Variants in STAC observed in about 807,000 individuals in gnomAD.
STAC encodes the protein SH3 and cysteine-rich domain-containing protein.
STAC carries 43 observed loss-of-function variants against 48.8 expected under a neutral mutation model. The observed-to-expected ratio is 0.88, with a 90% CI of 0.69 to 1.14. The LOEUF is 1.14. STAC is among the 50% of genes most tolerant of loss of function. The pLI, the probability that STAC is intolerant of heterozygous loss-of-function variation, is 0.00. For synonymous variants in STAC, 193 were observed against 179.5 expected, an observed-to-expected ratio of 1.07 and a Z score of -0.60; for missense variants, 497 against 504.0, an observed-to-expected ratio of 0.99 and a Z score of 0.13.
chr3:36,453,330 C>G (rs183019542), intron 2 of STAC, among the ~76,000 whole-genome samples: 4,422 of 152,294 alleles, frequency 0.029, 89 homozygotes, highest in South Asian at 0.05. Flanking sequence ...CCTCAGCTTG[C>G]GGCGAGGTGT....
chr3:36,417,726 A>G (rs939891538), intron 1 of STAC, among the ~76,000 whole-genome samples: 4 of 152,228 alleles, frequency 2.6e-5, no homozygotes. Context: ...TAGGTTTGAA[A>G]AAAGATGAAT....
At chr3:36,490,909 G>C (rs746204168) in intron 5 of STAC, among the ~76,000 whole-genome samples, 1 of 152,162 alleles carries the variant, frequency 6.6e-6, no homozygotes, top group Non-Finnish European at 1.5e-5. Flanking sequence ...ATTTATCACC[G>C]TCCACTTATA....
intron 1 of STAC, among the ~76,000 whole-genome samples, chr3:36,420,612 TAC>T (rs1217175147): frequency 1.3e-5 from 2 of 152,236 alleles, no homozygotes; most frequent in African/African-American, 4.8e-5. Context: ...GAGAATCTAA[TAC>T]CTGATAATCT....
rs928742156 is a variant in STAC, at chr3:36,443,708, C to T, written c.388+68C>T. On this transcript the variant is annotated intron_variant, in intron 2 of 10. Transcript: ENST00000273183. The surrounding 1 kb of genome is among the most constrained non-coding windows in gnomAD (Gnocchi z 4.2). The stretch of plus-strand genomic sequence containing the variant: ...AAAGCTGAGTGAGAGTGGTGTGCCA[C>T]GGGTCCAGGTACCTACGGACAGATG... The T allele has an allele frequency of 2.2e-5, 35 of 1,571,602 alleles. No individual in the cohort carries two copies. Among genetic ancestry groups the T allele is most frequent in the Middle Eastern group, 3.4e-4 (2 of 5,934 alleles).
At chr3:36,437,261 C>A (rs1399871218) in intron 1 of STAC, among the ~76,000 whole-genome samples, 1 of 150,458 alleles carries the variant, frequency 6.6e-6, no homozygotes, top group African/African-American at 2.4e-5. Context: ...TTTGACCCAG[C>A]CATCCCATTA....
intron 2 of STAC, among the ~76,000 whole-genome samples, chr3:36,482,204 T>C (rs1575229896): frequency 6.6e-6 from 1 of 152,202 alleles, no homozygotes; most frequent in African/African-American, 2.4e-5. Context: ...TTAAGCTTTA[T>C]CCAGCCACTT....
chr3:36,398,316 AAAGC>A (rs58878974), intron 1 of STAC, among the ~76,000 whole-genome samples: 11,089 of 100,110 alleles, frequency 0.11, 901 homozygotes, highest in African/African-American at 0.13. Context: ...AGAAAGAAAG[AAAGC>A]AAGAAAGAAA....
At chr3:36,405,744 A>G (rs2125630570) in intron 1 of STAC, among the ~76,000 whole-genome samples, 1 of 152,262 alleles carries the variant, frequency 6.6e-6, no homozygotes, top group South Asian at 2.1e-4. Context: ...TTTAGAGACA[A>G]GAGTTTTGCT....
chr3:36,503,598 T>C (rs1049089575), intron 6 of STAC, among the ~76,000 whole-genome samples: 3 of 152,258 alleles, frequency 2.0e-5, no homozygotes, highest in Admixed American at 2.0e-4. Context: ...CATGCTCAGC[T>C]AATTTTTGTA....
At chr3:36,407,000 C>T (rs772684154) in intron 1 of STAC, among the ~76,000 whole-genome samples, 11 of 152,150 alleles carry the variant, frequency 7.2e-5, no homozygotes, top group South Asian at 4.1e-4. Flanking sequence ...ATGGATTAAC[C>T]GCTCTAAATT....
intron 10 of STAC, among the ~76,000 whole-genome samples, chr3:36,532,387 T>G (rs1699093528): frequency 6.6e-6 from 1 of 152,214 alleles, no homozygotes; most frequent in Non-Finnish European, 1.5e-5. Context: ...CAAGCTCTCT[T>G]TCATCCAGTT....
Position 36,546,310 on chromosome 3 carries a change from T to A in STAC, c.*21T>A. 1 of 1,605,134 alleles carries A rather than the reference T, an allele frequency of 6.2e-7. No homozygotes were observed. Among genetic ancestry groups the A allele is most frequent in the Non-Finnish European group, 8.5e-7 (1 of 1,171,890 alleles). ...TCTGATTGCTGGCTCCTCCTCCGTT[T>A]GCAGTAGGCAAGCTCTGCTGCGATG... On this transcript the variant is annotated 3_prime_UTR_variant, in exon 11 of 11. Coordinates refer to ENST00000273183, the MANE Select transcript of STAC (RefSeq NM_003149.3).
intron 10 of STAC, among the ~76,000 whole-genome samples, chr3:36,537,256 C>A (rs1699220454): frequency 6.6e-6 from 1 of 152,110 alleles, no homozygotes. Flanking sequence ...ATGTTCATTG[C>A]AGCACTATTC....
intron 8 of STAC, among the ~76,000 whole-genome samples, chr3:36,521,016 G>C (rs181804579): frequency 2.6e-5 from 4 of 152,104 alleles, no homozygotes; most frequent in African/African-American, 9.7e-5. Flanking sequence ...GACTGTAAAA[G>C]ATTCTGGACC....
In STAC at chr3:36,511,563, G is replaced by A. The variant is rs527736752; in HGVS notation, c.920+5729G>A. On this transcript the variant is annotated intron_variant, in intron 8 of 10. Coordinates refer to ENST00000273183, the MANE Select transcript of STAC (RefSeq NM_003149.3). ...TTCTTTCCTCTTCTAAAAAAAATGC[G>A]GAGATAAATTAGCACTCAAAACTAT... 3.9e-5 allele frequency among the ~76,000 whole-genome samples: 6 copies of A among 152,242 alleles called. No homozygotes were observed. The South Asian group carries it at 6.2e-4, about 16-fold the overall frequency.
chr3:36,454,327 C>G lies in STAC; in HGVS notation c.388+10687C>G, dbSNP rs144523603. The stretch of plus-strand genomic sequence containing the variant: ...ACCGGGAGGAAGGAACAACTCCAGA[C>G]GCGTCGCCTTAAGAGCTGTAACACT... On this transcript the variant is annotated intron_variant, in intron 2 of 10. Transcript: ENST00000273183. Among the ~76,000 whole-genome samples, 511 of 152,040 alleles carry G rather than the reference C, an allele frequency of 3.4e-3. 7 individuals carry two copies. The highest frequency in any genetic ancestry group is 0.011 in the African/African-American group (471 of 41,466).
At chr3:36,457,222 G>A (rs906238379) in intron 2 of STAC, among the ~76,000 whole-genome samples, 2 of 152,200 alleles carry the variant, frequency 1.3e-5, no homozygotes, top group African/African-American at 4.8e-5. Flanking sequence ...ATATAGACCT[G>A]CAAGAGACAG....
chr3:36,480,757 G>A (rs776509602), intron 2 of STAC, among the ~76,000 whole-genome samples: 13 of 152,092 alleles, frequency 8.5e-5, no homozygotes, highest in South Asian at 4.2e-4. Flanking sequence ...TTTATGCATC[G>A]TTGATTAATC....
chr3:36,523,425 T>C (rs1413075590), intron 8 of STAC, among the ~76,000 whole-genome samples: 1 of 152,228 alleles, frequency 6.6e-6, no homozygotes, highest in Non-Finnish European at 1.5e-5. Flanking sequence ...CAATTGTGGA[T>C]TACAATGTAA....
Sources: gnomAD v4.1 joint callset for allele counts (sites outside exome capture counted in the v4.1 genomes callset) on GRCh38, gnomAD v4.1.1 for gene constraint, Gnocchi (gnomAD v3.1) non-coding constraint, MANE v1.5 for transcripts, NCBI Gene and HGNC (gene_info 2026-07-23, HGNC 2026-07-21) for gene names.